HMGCLL1: variants seen among roughly 807,000 people sequenced by gnomAD.
The protein encoded by HMGCLL1 is 3-hydroxy-3-methylglutaryl-CoA lyase like 1.
HMGCLL1 carries 36 observed loss-of-function variants against 39.1 expected under a neutral mutation model. That is an observed-to-expected ratio of 0.92 (90% CI 0.71 to 1.22). The LOEUF is 1.22. HMGCLL1 is among the 50% of genes most tolerant of loss of function. The pLI is 0.00. For synonymous variants in HMGCLL1, 149 were observed against 144.0 expected (o/e 1.03, Z -0.25); for missense variants, 451 against 416.5 (o/e 1.08, Z -0.72).
chr6:55,560,713 A>C (rs960015504), intron 1 of HMGCLL1, among the ~76,000 whole-genome samples: 78 of 152,090 alleles, frequency 5.1e-4, no homozygotes, highest in African/African-American at 1.9e-3. Flanking sequence ...ATCCATGTTC[A>C]TTTGGCTGTG....
upstream of HMGCLL1, among the ~76,000 whole-genome samples, chr6:55,580,511 G>C (rs1771962387): frequency 7.2e-6 from 1 of 139,206 alleles, no homozygotes; most frequent in South Asian, 2.3e-4. Flanking sequence ...CTCCCCCCAG[G>C]TTCACGCCAT....
chr6:55,576,546 C>G (rs1771769921), intron 1 of HMGCLL1, among the ~76,000 whole-genome samples: 1 of 152,192 alleles, frequency 6.6e-6, no homozygotes, highest in Non-Finnish European at 1.5e-5. Flanking sequence ...ATAGGGAACA[C>G]TTTCCAATTA....
intron 1 of HMGCLL1, among the ~76,000 whole-genome samples, chr6:55,553,838 C>T (rs758873087): frequency 1.8e-4 from 27 of 152,232 alleles, no homozygotes; most frequent in Admixed American, 1.3e-4. Flanking sequence ...GATAGTAGAG[C>T]AGATTACCTT....
intron 3 of HMGCLL1, among the ~76,000 whole-genome samples, chr6:55,518,630 C>T (rs1767873257): frequency 6.6e-6 from 1 of 152,078 alleles, no homozygotes; most frequent in African/African-American, 2.4e-5. Context: ...GTGGGGAAAT[C>T]AGCCAACATC....
chr6:55,598,810 A>G, the HMGCLL1 span, among the ~76,000 whole-genome samples: 4 of 151,564 alleles, frequency 2.6e-5, no homozygotes, highest in African/African-American at 7.3e-5. Context: ...TAACAAATGA[A>G]CTCTTTCCAA....
At chr6:55,441,075 C>A (rs1763576212) in intron 7 of HMGCLL1, among the ~76,000 whole-genome samples, 1 of 142,062 alleles carries the variant, frequency 7.0e-6, no homozygotes, top group African/African-American at 2.4e-5. Flanking sequence ...GGACCACATG[C>A]AATGCAGGAG....
At chr6:55,610,253 T>A in the HMGCLL1 span, among the ~76,000 whole-genome samples, 4 of 152,040 alleles carry the variant, frequency 2.6e-5, no homozygotes, top group Non-Finnish European at 5.9e-5. Flanking sequence ...AAGGAGCATG[T>A]CCTAACCCAA....
chr6:55,672,462 C>G, the HMGCLL1 span, among the ~76,000 whole-genome samples: 6 of 151,176 alleles, frequency 4.0e-5, no homozygotes, highest in East Asian at 5.8e-4. Context: ...ACCTGCTTTC[C>G]TAACCTATAC....
At chr6:55,556,051 C>T (rs957696324) in intron 1 of HMGCLL1, among the ~76,000 whole-genome samples, 2 of 151,970 alleles carry the variant, frequency 1.3e-5, no homozygotes, top group Non-Finnish European at 2.9e-5. Flanking sequence ...AGAAAAGTTG[C>T]AATAATTGTT....
Position 55,452,406 on chromosome 6 carries a change from C to T in HMGCLL1, c.796-12847G>A, listed in dbSNP as rs143006868. Among the ~76,000 whole-genome samples, 176 of 151,680 alleles carry T rather than the reference C, an allele frequency of 1.2e-3. 1 individual carries two copies. The highest frequency in any genetic ancestry group is 3.7e-3 in the African/African-American group (153 of 41,000). On this transcript the variant is annotated intron_variant, in intron 7 of 8. Coordinates refer to ENST00000274901, the MANE Select transcript of HMGCLL1 (RefSeq NM_001042406.2). ...GACCAGTAACTTTTTCCATGAATAACGGAGAGCAGAGAAATTCAATCTCTA... is the reference window on the plus strand; with the variant it reads ...GACCAGTAACTTTTTCCATGAATAATGGAGAGCAGAGAAATTCAATCTCTA...
At chr6:55,504,036 A>G (rs1396714651) in intron 5 of HMGCLL1, among the ~76,000 whole-genome samples, 2 of 151,710 alleles carry the variant, frequency 1.3e-5, no homozygotes, top group African/African-American at 4.8e-5. Context: ...CACTTTGACA[A>G]TCTTTAATGG....
intron 5 of HMGCLL1, among the ~76,000 whole-genome samples, chr6:55,501,372 T>C (rs1162464012): frequency 2.6e-5 from 4 of 151,872 alleles, no homozygotes; most frequent in Admixed American, 2.0e-4. Flanking sequence ...TTATGGCTGC[T>C]TTTACACTAC....
At chr6:55,437,060 C>T (rs1763400174) in intron 8 of HMGCLL1, among the ~76,000 whole-genome samples, 2 of 151,946 alleles carry the variant, frequency 1.3e-5, no homozygotes. Context: ...TCATTAATGT[C>T]TTTCTTCTCT....
chr6:55,458,508 G>A (rs946138513), intron 7 of HMGCLL1, among the ~76,000 whole-genome samples: 16 of 152,168 alleles, frequency 1.1e-4, no homozygotes, highest in Non-Finnish European at 2.4e-4. Context: ...CTACGAACTG[G>A]TCTGAAATAA....
chr6:55,446,639 G>A (rs1279809062), intron 7 of HMGCLL1, among the ~76,000 whole-genome samples: 3 of 151,924 alleles, frequency 2.0e-5, no homozygotes, highest in East Asian at 1.9e-4. Flanking sequence ...TATTGATTCT[G>A]TATGATGTTC....
rs994499543 is a variant in HMGCLL1 at position 55,539,261 on chromosome 6, G to A, written c.297+2468C>T. Among the ~76,000 whole-genome samples the A allele has an allele frequency of 1.9e-4, 29 of 152,076 alleles. 1 individual carries two copies. On this transcript the variant is annotated intron_variant, in intron 3 of 8. Transcript: ENST00000274901. The stretch of plus-strand genomic sequence containing the variant: ...CCAGGCTTTGTCAATGGGAGGAAGG[G>A]AACCATTAAAGAACTTAGAATGTGA...
At chr6:55,603,652 G>T in the HMGCLL1 span, among the ~76,000 whole-genome samples, 1 of 152,204 alleles carries the variant, frequency 6.6e-6, no homozygotes, top group East Asian at 1.9e-4. Context: ...GGGAAAACTG[G>T]TAGTATCTTT....
At chr6:55,531,356 T>C (rs550004184) in intron 3 of HMGCLL1, among the ~76,000 whole-genome samples, 3 of 152,306 alleles carry the variant, frequency 2.0e-5, no homozygotes, top group African/African-American at 7.2e-5. Context: ...TGAGCCATAC[T>C]GGACCTCTAT....
chr6:55,535,491 A>C (rs1768962536), intron 3 of HMGCLL1, among the ~76,000 whole-genome samples: 1 of 152,202 alleles, frequency 6.6e-6, no homozygotes, highest in Non-Finnish European at 1.5e-5. Flanking sequence ...GTTGGGTCAT[A>C]ATATGGTTTT....
Sources: gnomAD v4.1 joint callset for allele counts (sites outside exome capture counted in the v4.1 genomes callset) on GRCh38, gnomAD v4.1.1 for gene constraint, MANE v1.5 for transcripts, NCBI Gene and HGNC (gene_info 2026-07-23, HGNC 2026-07-21) for gene names.